Variants in MTR observed in about 807,000 individuals in gnomAD.
The protein encoded by MTR is methionine synthase.
A neutral mutation model predicts 154.8 loss-of-function variants in MTR; 84 were observed. That is an observed-to-expected ratio of 0.54 (90% CI 0.45 to 0.65). The LOEUF (loss-of-function observed/expected upper bound fraction) is 0.65. Ranked by LOEUF, MTR falls within the 30% of genes least tolerant of loss-of-function variation. The pLI is 0.00. For synonymous variants in MTR, 554 were observed against 553.9 expected (o/e 1.00, Z 0.00); for missense variants, 1,275 against 1,570.2 (o/e 0.81, Z 3.18).
chr1:236,889,159 CA>C, intron 27 of MTR, 21 bp from the exon 28 acceptor site: 1 of 1,614,014 alleles, frequency 6.2e-7, no homozygotes, highest in South Asian at 1.1e-5. Flanking sequence ...TCAGCATTGA[CA>C]ACCATACTTC....
intron 6 of MTR, among the ~76,000 whole-genome samples, chr1:236,815,293 G>T (rs1253592632): frequency 6.6e-6 from 1 of 152,176 alleles, no homozygotes; most frequent in Non-Finnish European, 1.5e-5. Flanking sequence ...AGCCTCCTGA[G>T]TGTTACTTAT....
At chr1:236,812,917 A>T (rs939338022) in intron 6 of MTR, 73 bp downstream of exon 6, 16 of 1,118,768 alleles carry the variant, frequency 1.4e-5, no homozygotes, top group African/African-American at 3.1e-5. Flanking sequence ...TAGGGAGAAG[A>T]TAATATTAGC....
At chr1:236,828,324 C>T (rs1662417036) in intron 11 of MTR, among the ~76,000 whole-genome samples, 1 of 152,240 alleles carries the variant, frequency 6.6e-6, no homozygotes, top group Non-Finnish European at 1.5e-5. Flanking sequence ...TGAAAGCTGT[C>T]AGTAGTTAAA....
intron 32 of MTR, among the ~76,000 whole-genome samples, 174 bp downstream of exon 32, chr1:236,897,292 C>T (rs1412825464): frequency 2.0e-5 from 1 of 50,180 alleles, no homozygotes; most frequent in African/African-American, 5.5e-5. Flanking sequence ...CTCACTTCTA[C>T]ATGCAAGCCA....
chr1:236,820,130 A>G lies in MTR; in HGVS notation c.764+3587A>G. On this transcript the variant is annotated intron_variant, in intron 8 of 32. Coordinates refer to ENST00000366577, the MANE Select transcript of MTR (RefSeq NM_000254.3). ...GTGGACATTGCCATTGCATGCAACA[A>G]GGGAGCTCACTCGGTGGGTTTGATG... The G allele has an allele frequency of 9.1e-6, 7 of 766,336 alleles. No homozygotes were observed. The East Asian group carries it at 1.5e-4, about 16-fold the overall frequency. The allele number at this position is 766,336 out of a possible 1,614,324, so 47.5% of individuals were successfully genotyped here. A position where few individuals can be genotyped will look rare whatever the true frequency, so the allele number is the denominator to read the frequency against.
At chr1:236,850,924 G>A (rs560958161) in intron 16 of MTR, among the ~76,000 whole-genome samples, 10 of 152,252 alleles carry the variant, frequency 6.6e-5, no homozygotes, top group African/African-American at 2.4e-4. Flanking sequence ...CCAAAATAGA[G>A]CATAGCTAGC....
chr1:236,803,394 A>AG (rs763772892), intron 1 of MTR, 34 bp from the exon 2 acceptor site: 51 of 1,597,362 alleles, frequency 3.2e-5, no homozygotes, highest in Admixed American at 6.7e-5. Context: ...TTCACCTTTC[A>AG]TTCTTTGAAG....
chr1:236,861,403 T>G, intron 20 of MTR, 126 bp downstream of exon 20: 1 of 1,353,768 alleles, frequency 7.4e-7, no homozygotes, highest in African/African-American at 1.4e-5. Flanking sequence ...GGCTAGTCAT[T>G]CCTTCTCTAA....
chr1:236,832,924 C>G (rs1450017784), intron 13 of MTR, among the ~76,000 whole-genome samples: 1 of 152,216 alleles, frequency 6.6e-6, no homozygotes, highest in Non-Finnish European at 1.5e-5. Flanking sequence ...CCCAGTTTCA[C>G]CACTTCCTCT....
intron 7 of MTR, 84 bp downstream of exon 7, chr1:236,815,747 G>T (rs1346195616): frequency 1.7e-5 from 22 of 1,327,032 alleles, no homozygotes; most frequent in Non-Finnish European, 2.4e-5. Context: ...TTGCATAGTA[G>T]AACTATTAAT....
intron 5 of MTR, among the ~76,000 whole-genome samples, chr1:236,811,335 A>AACATGTTAGCATTAT (rs1216451948): frequency 6.6e-6 from 1 of 152,212 alleles, no homozygotes; most frequent in Non-Finnish European, 1.5e-5. Context: ...AAACCATATC[A>AACATGTTAGCATTAT]ACATGTTAGC....
intron 27 of MTR, among the ~76,000 whole-genome samples, chr1:236,886,701 G>C (rs1004260860): frequency 1.3e-5 from 2 of 152,148 alleles, no homozygotes; most frequent in African/African-American, 4.8e-5. Flanking sequence ...ATCTCTCTCT[G>C]GTCTGTCTTC....
chr1:236,880,764 A>G lies in MTR; in HGVS notation c.2604A>G (p.Thr868=). The change falls in exon 25 of 33, where the codon ACA becomes ACG. Residue 868 remains threonine (T), a synonymous_variant. Coordinates refer to ENST00000366577, the MANE Select transcript of MTR (RefSeq NM_000254.3). ...TGACCCTTCTTTTTAGAACCCACAC[A>G]GCAGTTAAAATAGCTCCGAGATACA... is the stretch of plus-strand genomic sequence containing the variant. ...IGGATTSKTH[T]AVKIAPRYSA... 1 of 1,614,138 alleles carries G rather than the reference A, an allele frequency of 6.2e-7. No homozygotes were observed. The highest frequency in any genetic ancestry group is 1.1e-5 in the South Asian group (1 of 91,082).
At chr1:236,882,947 T>C (rs958756644) in intron 25 of MTR, among the ~76,000 whole-genome samples, 3 of 152,230 alleles carry the variant, frequency 2.0e-5, no homozygotes, top group Admixed American at 6.5e-5. Context: ...TGTGGGCTCA[T>C]TGGCTCAGGC....
intron 18 of MTR, among the ~76,000 whole-genome samples, chr1:236,854,340 C>G (rs901947227): frequency 6.6e-6 from 1 of 152,134 alleles, no homozygotes; most frequent in African/African-American, 2.4e-5. Context: ...TCATGTGGAC[C>G]CAGGACAGAA....
At chr1:236,852,797 G>T in intron 17 of MTR, 151 bp from the exon 18 acceptor site, 1 of 1,087,134 alleles carries the variant, frequency 9.2e-7, no homozygotes, top group South Asian at 1.3e-5. Context: ...CTTGTCTGTG[G>T]CTGCTTTTAT....
intron 18 of MTR, among the ~76,000 whole-genome samples, chr1:236,858,283 T>C (rs567874389): frequency 1.3e-5 from 2 of 152,294 alleles, no homozygotes; most frequent in South Asian, 4.1e-4. Flanking sequence ...AGGGAACTTG[T>C]GCAGGGAAAC....
intron 22 of MTR, among the ~76,000 whole-genome samples, chr1:236,865,823 T>C (rs1374814155): frequency 6.6e-6 from 1 of 152,060 alleles, no homozygotes; most frequent in Non-Finnish European, 1.5e-5. Flanking sequence ...TCATTTTGGT[T>C]CCTTTCCTTT....
intron 22 of MTR, among the ~76,000 whole-genome samples, chr1:236,866,320 T>C (rs1181152916): frequency 6.6e-6 from 1 of 152,176 alleles, no homozygotes; most frequent in Admixed American, 6.5e-5. Flanking sequence ...TCAGTGTTAC[T>C]ATTTTAATTG....
Sources: allele counts gnomAD v4.1 joint callset (sites outside exome capture counted in the v4.1 genomes callset), GRCh38; gene constraint gnomAD v4.1.1; transcripts MANE v1.5; gene names NCBI Gene and HGNC (gene_info 2026-07-23, HGNC 2026-07-21).